The following COL5A3 variants were observed in gnomAD, a reference collection of about 807,000 sequenced individuals.
COL5A3 encodes collagen alpha-3(V) chain.
Under a neutral mutation model 250.0 loss-of-function variants are expected in COL5A3, and 172 were observed. The observed-to-expected ratio is 0.69, with a 90% CI of 0.61 to 0.78. The LOEUF (loss-of-function observed/expected upper bound fraction) is 0.78. Ranked by LOEUF, COL5A3 falls within the 30% of genes least tolerant of loss-of-function variation. The pLI, the probability that COL5A3 is intolerant of heterozygous loss-of-function variation, is 0.00. For synonymous variants in COL5A3, 937 were observed against 900.4 expected, an observed-to-expected ratio of 1.04 and a Z score of -0.73; for missense variants, 2,340 against 2,334.4, an observed-to-expected ratio of 1.00 and a Z score of -0.05.
rs201816687 is a variant in COL5A3 at position 9,996,178 on chromosome 19, G to A, written c.1479+28C>T. On this transcript the variant is annotated intron_variant, in intron 14 of 66. Coordinates refer to ENST00000264828, the MANE Select transcript of COL5A3 (RefSeq NM_015719.4). ...ATGATTCTTCACTAATGCATGCACC[G>A]CCCCCTCCACGCAGTCGCCTTACTC... The A allele has an allele frequency of 1.5e-4, 231 of 1,556,156 alleles. 1 individual carries two copies. The highest frequency in any genetic ancestry group is 1.0e-3 in the Middle Eastern group (6 of 5,778).
At chr19:9,969,490 T>G (rs920054898) in intron 56 of COL5A3, 85 bp downstream of exon 56, 14 of 1,590,278 alleles carry the variant, frequency 8.8e-6, no homozygotes, top group African/African-American at 1.4e-5. Context: ...GGGCAGCCCC[T>G]CCAAACGGTG....
Position 9,968,695 on chromosome 19 carries a change from T to G in COL5A3, c.4186A>C (p.Thr1396Pro), listed in dbSNP as rs371676348. The change falls in exon 58 of 67, where the codon ACT becomes CCT. Residue 1396 changes from threonine to proline, a missense_variant. This residue lies in a region of COL5A3 where 1,179 missense variants were observed against 1,162.6 expected (regional missense o/e 1.01). Coordinates refer to ENST00000264828, the MANE Select transcript of COL5A3 (RefSeq NM_015719.4). This position sits in a 1 kb window ranked among gnomAD's most constrained non-coding sequence, Gnocchi z 4.1. ...CTTACCTTTTCCCCCTTGGGGCCAG[T>G]GTCTCCCTTCAGCCCTGGGAGGCCA... is the stretch of plus-strand genomic sequence containing the variant. ...PSGLPGLKGD[T>P]GPKGEKGHIG... 1 of 1,606,848 alleles carries G rather than the reference T, an allele frequency of 6.2e-7. No homozygotes were observed.
intron 24 of COL5A3, among the ~76,000 whole-genome samples, chr19:9,990,721 C>A (rs923918245): frequency 6.6e-6 from 1 of 151,976 alleles, no homozygotes; most frequent in Non-Finnish European, 1.5e-5. Flanking sequence ...CGCCACCACG[C>A]CCGGCTAATT....
At chr19:9,969,944 G>T (rs548457235) in intron 54 of COL5A3, 22 bp from the exon 55 acceptor site, 3 of 1,490,914 alleles carry the variant, frequency 2.0e-6, no homozygotes, top group Non-Finnish European at 2.7e-6. Context: ...AAGACAGTGA[G>T]GGGGGTCTAG....
chr19:9,987,583 A>C (rs75317217), intron 27 of COL5A3, among the ~76,000 whole-genome samples: 38,853 of 119,026 alleles, frequency 0.33, 5,198 homozygotes, highest in East Asian at 0.46. Flanking sequence ...CAAAAAGTAC[A>C]AAAAAAAAAG....
At chr19:9,984,822 CCT>C (rs1384988810) in intron 31 of COL5A3, among the ~76,000 whole-genome samples, 7 of 152,006 alleles carry the variant, frequency 4.6e-5, no homozygotes, top group African/African-American at 1.7e-4. Context: ...ACAGAGTCCC[CCT>C]CTGTCACCCA....
At position 9,992,832 on chromosome 19, in the gene COL5A3, G is replaced by A. The variant is rs764030577; in HGVS notation, c.1843C>T (p.Arg615Cys). 21 of 1,613,844 alleles carry A rather than the reference G, an allele frequency of 1.3e-5. No individual in the cohort carries two copies. The highest frequency in any genetic ancestry group is 5.3e-5 in the African/African-American group (4 of 74,922). ...AGAGAGCCAGTGACACTCACCGGGC[G>A]ACCCGTGGGGCCAGGAGAGCCTCTG... Reference protein sequence around the residue: ...GPRGSPGPTGRPGVTGIDGAP... With the variant: ...GPRGSPGPTGCPGVTGIDGAP... The change falls in exon 21 of 67, where the codon CGC (arginine) becomes TGC (cysteine). Residue 615 changes from arginine (R) to cysteine (C), a missense_variant. By Grantham distance (180) the Arg-to-Cys change is radical. This residue lies in a region of COL5A3 where 1,152 missense variants were observed against 1,146.3 expected (regional missense o/e 1.00). Transcript: ENST00000264828.
chr19:9,974,524 G>A lies in COL5A3; in HGVS notation c.3343-116C>T, dbSNP rs1037807550. 3 of 716,104 alleles carry A rather than the reference G, an allele frequency of 4.2e-6. No homozygotes were observed. In the African/African-American group the frequency reaches 5.4e-5, roughly 13 times the overall value. 44.4% of individuals were successfully genotyped at this position (716,104 alleles called of 1,614,324 possible). A position where few individuals can be genotyped will look rare whatever the true frequency, so the allele number is the denominator to read the frequency against. On this transcript the variant is annotated intron_variant, in intron 45 of 66. Transcript: ENST00000264828. Reference sequence around the variant, plus strand: ...GGAGTCAGGGTTCAGATTAAGTTTAGAGAGGGTCAGTGTTGAGTTGGAGTT... The same window carrying A: ...GGAGTCAGGGTTCAGATTAAGTTTAAAGAGGGTCAGTGTTGAGTTGGAGTT...
At chr19:10,006,682 T>C (rs956305333) in intron 1 of COL5A3, among the ~76,000 whole-genome samples, 22 of 151,894 alleles carry the variant, frequency 1.4e-4, no homozygotes, top group African/African-American at 5.3e-4. Context: ...TCCCTCTCTC[T>C]AACCTCCTCC....
At chr19:9,965,061 A>G (rs974541230) in intron 64 of COL5A3, among the ~76,000 whole-genome samples, 1 of 151,564 alleles carries the variant, frequency 6.6e-6, no homozygotes, top group African/African-American at 2.4e-5. Flanking sequence ...ACACACACAA[A>G]AACAAAACAG....
Position 9,992,113 on chromosome 19 carries a change from C to CGATGCAGGCT in COL5A3, c.1849-66_1849-65insAGCCTGCATC, listed in dbSNP as rs2087202594. 3.5e-6 allele frequency: 5 copies of CGATGCAGGCT among 1,411,456 alleles called. No individual in the cohort carries two copies. In the South Asian group the frequency reaches 4.7e-5, roughly 13 times the overall value. The allele number at this position is 1,411,456 out of a possible 1,614,324, so 87.4% of individuals were successfully genotyped here. ...AGCTGGGAGCCTGAGTCTGAGACAC[C>CGATGCAGGCT]GAGAGATGCAGGTGGAAAGGTGAGC... On this transcript the variant is annotated intron_variant, in intron 21 of 66. Transcript: ENST00000264828.
rs376389479 is a variant in COL5A3, at chr19:9,989,168, C to T, written c.2101G>A (p.Gly701Arg). ...GGATAGCCCGGAGGGCCTGCCGACC[C>T]TGGTGGACCCTGGGAGGAAAATAAG... Reference protein sequence around the residue: ...TGEKGAQGPPGSAGPPGYPGP... With the variant: ...TGEKGAQGPPRSAGPPGYPGP... Residue 701 changes from glycine (G) to arginine (R), a missense_variant, in exon 27 of 67, where the codon GGG (glycine) becomes AGG (arginine). Gly to Arg is a moderately radical substitution (Grantham distance 125). Around this residue, in one of 3 missense-constraint regions of COL5A3, gnomAD observed 1,152 missense variants for 1,146.3 expected, o/e 1.00. Coordinates refer to ENST00000264828, the MANE Select transcript of COL5A3 (RefSeq NM_015719.4). 1 of 1,614,110 alleles carries T rather than the reference C, an allele frequency of 6.2e-7. No homozygotes were observed. Among genetic ancestry groups the T allele is most frequent in the African/African-American group, 1.3e-5 (1 of 74,946 alleles).
chr19:9,966,670 C>T lies in COL5A3; in HGVS notation c.4535G>A (p.Gly1512Asp). The change falls in exon 63 of 67, where the codon GGC (glycine) becomes GAC (aspartate). Residue 1512 changes from glycine to aspartate, a missense_variant. Coordinates refer to ENST00000264828, the MANE Select transcript of COL5A3 (RefSeq NM_015719.4). ...VPVPLPVVEGGLEEVLASLTS... is the reference protein window; with the variant it reads ...VPVPLPVVEGDLEEVLASLTS... ...GAGCGAGGCCAGCACCTCCTCCAGGCCGCCCTCCACGACTGGAAGCGGGAC... is the reference window on the plus strand; with the variant it reads ...GAGCGAGGCCAGCACCTCCTCCAGGTCGCCCTCCACGACTGGAAGCGGGAC... 6.5e-7 allele frequency: 1 copy of T among 1,538,216 alleles called. No individual in the cohort carries two copies. Among genetic ancestry groups the T allele is most frequent in the Non-Finnish European group, 8.7e-7 (1 of 1,147,424 alleles).
At chr19:9,994,337 C>T (rs1025189813) in intron 16 of COL5A3, among the ~76,000 whole-genome samples, 2 of 151,390 alleles carry the variant, frequency 1.3e-5, no homozygotes, top group African/African-American at 2.4e-5. Flanking sequence ...CACCACCACA[C>T]CTGGCTAATT....
intron 65 of COL5A3, among the ~76,000 whole-genome samples, chr19:9,961,685 A>T (rs1338309366): frequency 6.6e-6 from 1 of 151,688 alleles, no homozygotes; most frequent in African/African-American, 2.4e-5. Flanking sequence ...CAGCCTCCCA[A>T]GTAACTGGGA....
rs906465459 is a variant in COL5A3, at chr19:10,009,605, G to A, written c.88+693C>T. On this transcript the variant is annotated intron_variant, in intron 1 of 66. Coordinates refer to ENST00000264828, the MANE Select transcript of COL5A3 (RefSeq NM_015719.4). The surrounding 1 kb of genome is among the most constrained non-coding windows in gnomAD (Gnocchi z 4.4). ...GGTGCTGATCGCGGCTCTGGGGACC[G>A]CGGGGTGGGGGAGGGGGCAACAGGG... Among the ~76,000 whole-genome samples the A allele has an allele frequency of 6.6e-6, 1 of 152,056 alleles. No homozygotes were observed. Among genetic ancestry groups the A allele is most frequent in the Non-Finnish European group, 1.5e-5 (1 of 68,004 alleles).
intron 37 of COL5A3, 29 bp from the exon 38 acceptor site, chr19:9,979,446 G>C (rs1383811721): frequency 1.2e-6 from 2 of 1,612,484 alleles, no homozygotes. Context: ...TGTGGGGGCG[G>C]TGTTACATGG....
chr19:9,983,220 T>A (rs901233440), intron 31 of COL5A3, among the ~76,000 whole-genome samples: 1 of 151,944 alleles, frequency 6.6e-6, no homozygotes, highest in South Asian at 2.1e-4. Flanking sequence ...TCTTAGTCTA[T>A]GTCAGGTACA....
rs140498565 is a variant in COL5A3, at chr19:9,998,117, G to T, written c.1143C>A (p.Pro381=). The change falls in exon 9 of 67, where the codon CCC becomes CCA. Residue 381 remains proline, a synonymous_variant. Coordinates refer to ENST00000264828, the MANE Select transcript of COL5A3 (RefSeq NM_015719.4). Reference sequence around the variant, plus strand: ...GACCCCTCACCTTTTCAATCACTGCGGGCTCTCCTTTTGCTCCTTTCTCTC... The same window carrying T: ...GACCCCTCACCTTTTCAATCACTGCTGGCTCTCCTTTTGCTCCTTTCTCTC... ...GAGEKGAKGE[P]AVIEKGQQFE... is the part of the protein sequence containing the mutation. 1.5e-4 allele frequency: 247 copies of T among 1,613,854 alleles called. 1 individual carries two copies. The South Asian group carries it at 2.4e-3, about 15-fold the overall frequency.
Sources: gnomAD v4.1 joint callset for allele counts (sites outside exome capture counted in the v4.1 genomes callset) on GRCh38, gnomAD v4.1.1 for gene constraint, gnomAD v4.1.1 regional missense constraint, Gnocchi (gnomAD v3.1) non-coding constraint, MANE v1.5 for transcripts, NCBI Gene and HGNC (gene_info 2026-07-23, HGNC 2026-07-21) for gene names.